TENM2: variants seen among roughly 807,000 people sequenced by gnomAD.
TENM2 encodes the protein teneurin transmembrane protein 2.
In TENM2, 52 loss-of-function variants were observed where a neutral mutation model predicts 245.2. That is an observed-to-expected ratio of 0.21 (90% CI 0.17 to 0.27). TENM2 has a LOEUF of 0.27. TENM2 is among the 10% of genes least tolerant of loss of function. The probability of loss-of-function intolerance (pLI) is 1.00; values close to 1 mark genes in which losing one functional copy is unlikely to be tolerated. For missense variants in TENM2, 3,046 were observed against 3,666.8 expected (o/e 0.83, Z 4.37); for synonymous variants, 1,363 against 1,438.9 (o/e 0.95, Z 1.19).
intron 2 of TENM2, among the ~76,000 whole-genome samples, chr5:167,760,138 GTTAAAACTCCGCATGGTACATT>G (rs1193821055): frequency 6.6e-6 from 1 of 152,090 alleles, no homozygotes; most frequent in African/African-American, 2.4e-5. Flanking sequence ...CTCTTCACTG[GTTAAAACTCCGCATGGTACATT>G]TTATCCTCAA....
chr5:167,996,354 C>T (rs1444619636), intron 5 of TENM2, among the ~76,000 whole-genome samples: 2 of 152,110 alleles, frequency 1.3e-5, no homozygotes, highest in African/African-American at 4.8e-5. Flanking sequence ...ATTCTCTCAG[C>T]GTACAAACAT....
Position 167,917,042 on chromosome 5 carries a change from G to A in TENM2, c.713-35546G>A, listed in dbSNP as rs569259022. Among the ~76,000 whole-genome samples the A allele has an allele frequency of 4.6e-5, 7 of 152,318 alleles. No individual in the cohort carries two copies. In the South Asian group the frequency reaches 1.2e-3, roughly 27 times the overall value. ...TGCCCTGAAGGGGAGGTACTGTACCGGTGCCTTTCAGGGAAAGGCCTTTGT... is the reference window on the plus strand; with the variant it reads ...TGCCCTGAAGGGGAGGTACTGTACCAGTGCCTTTCAGGGAAAGGCCTTTGT... On this transcript the variant is annotated intron_variant, in intron 3 of 28. Coordinates refer to ENST00000518659, the Ensembl canonical transcript of TENM2.
At chr5:167,909,702 G>A (rs550763925) in intron 3 of TENM2, among the ~76,000 whole-genome samples, 2 of 152,202 alleles carry the variant, frequency 1.3e-5, no homozygotes, top group Non-Finnish European at 2.9e-5. Flanking sequence ...AAAGTTTAGA[G>A]GACTGTATTA....
the TENM2 span, among the ~76,000 whole-genome samples, chr5:167,217,003 G>T: frequency 6.6e-6 from 1 of 151,632 alleles, no homozygotes; most frequent in East Asian, 1.9e-4. Flanking sequence ...CATATAATTT[G>T]TTTTATCTGA....
At chr5:168,047,365 C>T in intron 5 of TENM2, 62 bp from the exon 8 acceptor site, 2 of 1,544,820 alleles carry the variant, frequency 1.3e-6, no homozygotes, top group Non-Finnish European at 1.8e-6. Flanking sequence ...CTGGCCCTCC[C>T]CCTTGACATT....
At chr5:168,050,350 G>A (rs1368250167) in intron 6 of TENM2, among the ~76,000 whole-genome samples, 1 of 152,122 alleles carries the variant, frequency 6.6e-6, no homozygotes, top group Non-Finnish European at 1.5e-5. Context: ...TATACCCAGT[G>A]ACCTCCGCGC....
At chr5:168,093,008 A>G (rs1793072466) in intron 8 of TENM2, among the ~76,000 whole-genome samples, 1 of 152,236 alleles carries the variant, frequency 6.6e-6, no homozygotes, top group South Asian at 2.1e-4. Flanking sequence ...GAGGAAGCCA[A>G]GACTAAATGC....
intron 3 of TENM2, among the ~76,000 whole-genome samples, chr5:167,940,637 C>T (rs1222161902): frequency 6.6e-6 from 1 of 152,166 alleles, no homozygotes; most frequent in East Asian, 1.9e-4. Context: ...CCAAATCAGG[C>T]AGAGGCCAGT....
At chr5:167,227,317 CCTTT>C in the TENM2 span, among the ~76,000 whole-genome samples, 1 of 151,766 alleles carries the variant, frequency 6.6e-6, no homozygotes, top group African/African-American at 2.4e-5. Flanking sequence ...CCATTTGAGT[CCTTT>C]CTGTTTCTTA....
chr5:168,077,671 TATGGTG>T, intron 7 of TENM2, among the ~76,000 whole-genome samples: 1 of 152,112 alleles, frequency 6.6e-6, no homozygotes, highest in Non-Finnish European at 1.5e-5. Flanking sequence ...AGTGAGAACA[TATGGTG>T]TTTGGTTTTC....
chr5:167,240,901 G>A, the TENM2 span, among the ~76,000 whole-genome samples: 44 of 152,238 alleles, frequency 2.9e-4, no homozygotes, highest in South Asian at 8.1e-3. Flanking sequence ...CCACAAAATG[G>A]GAAACAGGTA....
chr5:168,207,404 G>A (rs538259479), intron 19 of TENM2, among the ~76,000 whole-genome samples: 87 of 152,288 alleles, frequency 5.7e-4, no homozygotes, highest in Non-Finnish European at 8.8e-4. Context: ...CCATGCCCAC[G>A]TGGTGACATT....
intron 2 of TENM2, among the ~76,000 whole-genome samples, chr5:167,596,950 C>A (rs1234560675): frequency 6.6e-6 from 1 of 151,982 alleles, no homozygotes; most frequent in East Asian, 1.9e-4. Flanking sequence ...ACTGGAGGTC[C>A]CAAGAGCACC....
intron 2 of TENM2, among the ~76,000 whole-genome samples, chr5:167,476,353 T>A (rs1767371991): frequency 6.6e-6 from 1 of 152,190 alleles, no homozygotes; most frequent in South Asian, 2.1e-4. Context: ...ACAGTACACT[T>A]TGGTCATTAG....
At chr5:168,143,960 C>T (rs1467880446) in intron 12 of TENM2, among the ~76,000 whole-genome samples, 2 of 149,844 alleles carry the variant, frequency 1.3e-5, no homozygotes, top group Non-Finnish European at 3.0e-5. Context: ...AGAGATTCTC[C>T]TGCCTCAGCC....
At chr5:168,120,071 C>G (rs1333895692) in intron 10 of TENM2, among the ~76,000 whole-genome samples, 1 of 152,222 alleles carries the variant, frequency 6.6e-6, no homozygotes, top group African/African-American at 2.4e-5. Flanking sequence ...GATACACCCA[C>G]ATAGGGTTCC....
At chr5:167,506,409 C>T (rs1582234424) in intron 2 of TENM2, among the ~76,000 whole-genome samples, 1 of 152,234 alleles carries the variant, frequency 6.6e-6, no homozygotes, top group South Asian at 2.1e-4. Context: ...CTACAACTAA[C>T]TTTGTGAAAC....
intron 6 of TENM2, among the ~76,000 whole-genome samples, chr5:168,055,943 A>G (rs774662333): frequency 6.6e-6 from 1 of 152,234 alleles, no homozygotes; most frequent in South Asian, 2.1e-4. Flanking sequence ...TCAATAGGAT[A>G]TTCAGCTAGA....
the TENM2 span, among the ~76,000 whole-genome samples, chr5:167,156,218 A>T: frequency 6.6e-6 from 1 of 152,202 alleles, no homozygotes; most frequent in Admixed American, 6.5e-5. Context: ...ACCCTGCTTT[A>T]CGAGACTTTG....
Sources: allele counts gnomAD v4.1 joint callset (sites outside exome capture counted in the v4.1 genomes callset), GRCh38; gene constraint gnomAD v4.1.1; transcripts MANE v1.5; gene names NCBI Gene and HGNC (gene_info 2026-07-23, HGNC 2026-07-21).